CAST: variants seen among roughly 807,000 people sequenced by gnomAD.
The protein encoded by CAST is MIR583 host.
CAST carries 76 observed loss-of-function variants against 119.6 expected under a neutral mutation model. The observed-to-expected ratio is 0.64, with a 90% CI of 0.53 to 0.77. CAST has a LOEUF of 0.77. Among genes scored for constraint, CAST ranks in the 30% least tolerant of loss-of-function variants. CAST has a pLI of 0.00. For missense variants in CAST, 953 were observed against 946.5 expected, an observed-to-expected ratio of 1.01 and a Z score of -0.09; for synonymous variants, 319 against 331.6, an observed-to-expected ratio of 0.96 and a Z score of 0.41.
At chr5:96,333,030 C>T in the CAST span, among the ~76,000 whole-genome samples, 1 of 152,086 alleles carries the variant, frequency 6.6e-6, no homozygotes, top group Non-Finnish European at 1.5e-5. Context: ...GCTTGAGCTG[C>T]CAATTTTATA....
intron 2 of CAST, chr5:96,679,331 C>A (rs1333160191): frequency 6.6e-6 from 1 of 152,144 alleles, no homozygotes; most frequent in African/African-American, 2.4e-5. Flanking sequence ...AGAGGAATTA[C>A]AGGACCAAAA....
At chr5:96,491,137 A>G in the CAST span, among the ~76,000 whole-genome samples, 1 of 152,158 alleles carries the variant, frequency 6.6e-6, no homozygotes, top group Admixed American at 6.5e-5. Context: ...TTAGCCAGAA[A>G]TTGCAAATTA....
the CAST span, among the ~76,000 whole-genome samples, chr5:96,147,385 A>T: frequency 6.6e-6 from 1 of 152,132 alleles, no homozygotes; most frequent in Non-Finnish European, 1.5e-5. Flanking sequence ...CGGGCGGATC[A>T]CGAGGTCAGG....
chr5:96,124,243 A>G, the CAST span, among the ~76,000 whole-genome samples: 7 of 152,054 alleles, frequency 4.6e-5, no homozygotes, highest in Non-Finnish European at 7.4e-5. Context: ...CACAGCGGCT[A>G]TCTGTAGGTG....
At chr5:96,017,704 A>T in the CAST span, among the ~76,000 whole-genome samples, 1 of 152,254 alleles carries the variant, frequency 6.6e-6, no homozygotes, top group East Asian at 1.9e-4. Flanking sequence ...GAGATATAAA[A>T]ATATTAGGAC....
chr5:96,589,708 A>G (rs1349407582), intron 1 of CAST, among the ~76,000 whole-genome samples: 2 of 152,234 alleles, frequency 1.3e-5, no homozygotes, highest in Non-Finnish European at 2.9e-5. Context: ...CTCTATAGCA[A>G]GGACTAGGAG....
At chr5:96,557,452 A>G (rs967904288) in intron 1 of CAST, among the ~76,000 whole-genome samples, 16 of 152,068 alleles carry the variant, frequency 1.1e-4, no homozygotes, top group Admixed American at 2.0e-4. Flanking sequence ...AGTGTGCTGT[A>G]TTCAGGAAAC....
chr5:96,728,473 G>GTT (rs35736654), intron 6 of CAST: 1,720 of 142,206 alleles, frequency 0.012, 33 homozygotes, highest in South Asian at 0.034. Context: ...TATGAAAGGA[G>GTT]TTTTTTTTTT....
chr5:96,416,075 G>C, the CAST span: 1 of 1,613,152 alleles, frequency 6.2e-7, no homozygotes, highest in African/African-American at 1.3e-5. Context: ...CCGCATTTGT[G>C]ATTATTTGCT....
the CAST span, among the ~76,000 whole-genome samples, chr5:96,438,013 A>G: frequency 1.3e-5 from 2 of 152,084 alleles, no homozygotes; most frequent in African/African-American, 4.8e-5. Context: ...CATGATAGCA[A>G]TTCATACTTC....
At chr5:96,493,168 A>T in the CAST span, among the ~76,000 whole-genome samples, 9 of 152,250 alleles carry the variant, frequency 5.9e-5, no homozygotes, top group African/African-American at 2.2e-4. Context: ...AGTGGTTACC[A>T]TTCAGGAAGT....
chr5:96,036,856 A>G, the CAST span, among the ~76,000 whole-genome samples: 11 of 152,304 alleles, frequency 7.2e-5, no homozygotes, highest in Middle Eastern at 6.8e-3. Flanking sequence ...AATAATTGCA[A>G]ATTCTAGACA....
chr5:96,474,774 A>C, the CAST span, among the ~76,000 whole-genome samples: 2 of 152,126 alleles, frequency 1.3e-5, no homozygotes, highest in African/African-American at 4.8e-5. Context: ...CATAGGAAGA[A>C]AGTGGAACAG....
intron 4 of CAST, among the ~76,000 whole-genome samples, chr5:96,726,046 T>A (rs190788816): frequency 7.0e-4 from 106 of 152,262 alleles, no homozygotes; most frequent in African/African-American, 2.3e-3. Context: ...GACTTTAGCC[T>A]CTTCAAATAA....
At chr5:96,512,440 A>G in the CAST span, among the ~76,000 whole-genome samples, 150 of 152,360 alleles carry the variant, frequency 9.8e-4, no homozygotes, top group African/African-American at 3.5e-3. Context: ...GAAGGGTAGT[A>G]GGGCTTATGA....
the CAST span, among the ~76,000 whole-genome samples, chr5:96,462,855 C>T: frequency 1.2e-4 from 18 of 151,960 alleles, no homozygotes; most frequent in Admixed American, 3.9e-4. Flanking sequence ...TATAAGTGTT[C>T]GGCGGTTCCT....
At chr5:96,445,337 TGGGAGGATGGCATTAAG>T in the CAST span, among the ~76,000 whole-genome samples, 1 of 151,966 alleles carries the variant, frequency 6.6e-6, no homozygotes, top group Non-Finnish European at 1.5e-5. Flanking sequence ...CAGGCTGAGG[TGGGAGGATGGCATTAAG>T]GCCAGGAGTT....
chr5:96,662,477 G>T lies in CAST; in HGVS notation c.55G>T (p.Ala19Ser), dbSNP rs1478455120. The T allele has an allele frequency of 7.0e-7, 1 of 1,427,302 alleles. No homozygotes were observed. The highest frequency in any genetic ancestry group is 1.4e-5 in the South Asian group (1 of 69,294). 88.4% of individuals were successfully genotyped at this position (1,427,302 alleles called of 1,614,324 possible). The change falls in exon 1 of 32, where the codon GCC (alanine) becomes TCC (serine). Residue 19 changes from alanine to serine, a missense_variant. Physicochemically the swap from Ala to Ser is moderately conservative, Grantham distance 99. Coordinates refer to ENST00000675179, the MANE Select transcript of CAST (RefSeq NM_001750.7). ...AASPRPRRAA[A>S]ARRTHEHVSE... is the part of the protein sequence containing the mutation. ...CTCCCCGCGGCCCCGGCGAGCAGCC[G>T]CCGCCCGCCGCACCCATGAGGTGAG... is the stretch of plus-strand genomic sequence containing the variant.
At chr5:96,484,476 T>C in the CAST span, among the ~76,000 whole-genome samples, 1 of 152,180 alleles carries the variant, frequency 6.6e-6, no homozygotes, top group Non-Finnish European at 1.5e-5. Flanking sequence ...TGATCCTAGC[T>C]GGCAGCAGAC....
Sources: gnomAD v4.1 joint callset for allele counts (sites outside exome capture counted in the v4.1 genomes callset) on GRCh38, gnomAD v4.1.1 for gene constraint, MANE v1.5 for transcripts, NCBI Gene and HGNC (gene_info 2026-07-23, HGNC 2026-07-21) for gene names.